TNFSF4: variants seen among roughly 807,000 people sequenced by gnomAD.
The protein encoded by TNFSF4 is TNF superfamily member 4, also known as tumor necrosis factor ligand superfamily member 4.
In TNFSF4, 4 loss-of-function variants were observed where a neutral mutation model predicts 7.3. The ratio of observed to expected loss-of-function variants is 0.55; its 90% CI spans 0.27 to 1.25. The LOEUF (loss-of-function observed/expected upper bound fraction) is 1.25. Among genes scored for constraint, TNFSF4 ranks in the 50% most tolerant of loss-of-function variants. TNFSF4 has a pLI of 0.12. For synonymous variants in TNFSF4, 76 were observed against 83.7 expected (o/e 0.91, Z 0.50); for missense variants, 181 against 208.8 (o/e 0.87, Z 0.82).
upstream of TNFSF4, among the ~76,000 whole-genome samples, chr1:173,210,160 T>C (rs1650327006): frequency 6.6e-6 from 1 of 152,190 alleles, no homozygotes; most frequent in South Asian, 2.1e-4. Context: ...AGTCAGATTT[T>C]CATTTGTCCA....
intron 1 of TNFSF4, among the ~76,000 whole-genome samples, chr1:173,198,348 G>A (rs1012619930): frequency 1.3e-5 from 2 of 152,168 alleles, no homozygotes; most frequent in African/African-American, 4.8e-5. Context: ...CAAAGATTAG[G>A]CAAATCACAA....
the TNFSF4 span, among the ~76,000 whole-genome samples, chr1:173,218,761 A>T: frequency 6.6e-6 from 1 of 152,276 alleles, no homozygotes; most frequent in South Asian, 2.1e-4. Flanking sequence ...AAAGACAGAA[A>T]AGTGTATTCA....
chr1:173,264,959 C>T, the TNFSF4 span, among the ~76,000 whole-genome samples: 1 of 152,188 alleles, frequency 6.6e-6, no homozygotes, highest in African/African-American at 2.4e-5. Context: ...TGAATTCAGA[C>T]CATCACAACA....
chr1:173,394,468 C>T, the TNFSF4 span, among the ~76,000 whole-genome samples: 1 of 152,084 alleles, frequency 6.6e-6, no homozygotes, highest in Admixed American at 6.5e-5. Context: ...ACAGGGTGCC[C>T]AGATATTCGG....
At chr1:173,437,577 T>G in the TNFSF4 span, among the ~76,000 whole-genome samples, 1 of 152,220 alleles carries the variant, frequency 6.6e-6, no homozygotes. Context: ...ATTTGGAATT[T>G]GTTTTCTTGT....
At chr1:173,206,419 A>G (rs1225338544) in intron 1 of TNFSF4, among the ~76,000 whole-genome samples, 1 of 152,244 alleles carries the variant, frequency 6.6e-6, no homozygotes, top group East Asian at 1.9e-4. Context: ...AAGGTAGGGA[A>G]AAGGTGAAAT....
chr1:173,266,542 AGGAAG>A, the TNFSF4 span, among the ~76,000 whole-genome samples: 1 of 152,150 alleles, frequency 6.6e-6, no homozygotes, highest in East Asian at 1.9e-4. Flanking sequence ...TTGTTCCTAC[AGGAAG>A]CCTTTCTAGC....
chr1:173,325,221 C>T, the TNFSF4 span, among the ~76,000 whole-genome samples: 3 of 152,138 alleles, frequency 2.0e-5, no homozygotes, highest in East Asian at 3.9e-4. Context: ...CAGTCAAAAC[C>T]GCTCAACTAC....
the TNFSF4 span, among the ~76,000 whole-genome samples, chr1:173,218,345 G>A: frequency 6.6e-6 from 1 of 152,046 alleles, no homozygotes; most frequent in Admixed American, 6.6e-5. Flanking sequence ...TGTGCTGTGG[G>A]TTAGGTCCCC....
the TNFSF4 span, chr1:173,363,371 GATTGTGCTTT>G: frequency 1.5e-5 from 5 of 334,422 alleles, no homozygotes; most frequent in African/African-American, 4.5e-5. Context: ...ATCAGTTCTT[GATTGTGCTTT>G]GATTCTTCAT....
the TNFSF4 span, among the ~76,000 whole-genome samples, chr1:173,441,427 A>C: frequency 6.6e-6 from 1 of 152,194 alleles, no homozygotes; most frequent in Non-Finnish European, 1.5e-5. Context: ...GTTTGAGACC[A>C]GCCTGGCCAA....
the TNFSF4 span, among the ~76,000 whole-genome samples, chr1:173,358,327 C>G: frequency 6.6e-6 from 1 of 152,200 alleles, no homozygotes; most frequent in Non-Finnish European, 1.5e-5. Context: ...TCTATCACCC[C>G]ATTTGCCTAA....
the TNFSF4 span, among the ~76,000 whole-genome samples, chr1:173,218,043 C>T: frequency 1.3e-5 from 2 of 152,178 alleles, no homozygotes; most frequent in African/African-American, 4.8e-5. Context: ...ACCACCATTC[C>T]CAGCTGAAAT....
chr1:173,330,629 G>A, the TNFSF4 span, among the ~76,000 whole-genome samples: 1 of 152,090 alleles, frequency 6.6e-6, no homozygotes, highest in Non-Finnish European at 1.5e-5. Context: ...AGAGCACAAA[G>A]TAGGTCCTAA....
the TNFSF4 span, among the ~76,000 whole-genome samples, chr1:173,415,349 T>C: frequency 1.6e-3 from 238 of 152,300 alleles, no homozygotes; most frequent in Non-Finnish European, 2.9e-3. Context: ...GAAAGTCCCA[T>C]GGCCTAGCTA....
the TNFSF4 span, among the ~76,000 whole-genome samples, chr1:173,435,668 C>G: frequency 6.6e-6 from 1 of 152,116 alleles, no homozygotes; most frequent in African/African-American, 2.4e-5. Flanking sequence ...CAGCCCAAGC[C>G]AACTAATACA....
intron 1 of TNFSF4, among the ~76,000 whole-genome samples, chr1:173,195,709 G>A (rs148391436): frequency 6.6e-6 from 1 of 152,296 alleles, no homozygotes; most frequent in East Asian, 1.9e-4. Flanking sequence ...TCTGTGGCAG[G>A]AGCAAATGAT....
chr1:173,254,615 T>C, the TNFSF4 span, among the ~76,000 whole-genome samples: 2 of 152,222 alleles, frequency 1.3e-5, no homozygotes. Context: ...AATGACCTTC[T>C]ATAATTTTTT....
chr1:173,240,849 C>G, the TNFSF4 span, among the ~76,000 whole-genome samples: 1 of 152,176 alleles, frequency 6.6e-6, no homozygotes, highest in Non-Finnish European at 1.5e-5. Flanking sequence ...TATTATCTGA[C>G]TTTCTCATGT....
Sources: gnomAD v4.1 joint callset for allele counts (sites outside exome capture counted in the v4.1 genomes callset) on GRCh38, gnomAD v4.1.1 for gene constraint, MANE v1.5 for transcripts, NCBI Gene and HGNC (gene_info 2026-07-23, HGNC 2026-07-21) for gene names.